Variants in RNF214 observed in about 807,000 individuals in gnomAD.
The protein encoded by RNF214 is ring finger protein 214.
Under a neutral mutation model 75.9 loss-of-function variants are expected in RNF214, and 25 were observed. The observed-to-expected ratio is 0.33, with a 90% confidence interval of 0.24 to 0.46. The LOEUF (loss-of-function observed/expected upper bound fraction) is 0.46, where lower values mean the gene tolerates loss of function less well. Ranked by LOEUF, RNF214 falls within the 20% of genes least tolerant of loss-of-function variation. The pLI, the probability that RNF214 is intolerant of heterozygous loss-of-function variation, is 1.00. For synonymous variants in RNF214, 314 were observed against 308.8 expected (o/e 1.02, Z -0.18); for missense variants, 725 against 857.5 (o/e 0.85, Z 1.93).
At chr11:117,282,643 A>G in intron 12 of RNF214, 103 bp from the exon 13 acceptor site, 1 of 1,546,618 alleles carries the variant, frequency 6.5e-7, no homozygotes, top group Non-Finnish European at 8.9e-7. Flanking sequence ...AGAGGTAGCT[A>G]GTCTGCTTTT....
chr11:117,266,387 T>A (rs2033797093), intron 6 of RNF214, among the ~76,000 whole-genome samples: 1 of 152,042 alleles, frequency 6.6e-6, no homozygotes, highest in Non-Finnish European at 1.5e-5. Flanking sequence ...TGAGACAGGG[T>A]CTCACTCTGT....
intron 6 of RNF214, among the ~76,000 whole-genome samples, chr11:117,272,120 G>A (rs1309721200): frequency 6.6e-6 from 1 of 152,116 alleles, no homozygotes; most frequent in Non-Finnish European, 1.5e-5. Flanking sequence ...TAGCTACTTG[G>A]GAGGCTGAGG....
At chr11:117,257,967 G>A (rs1198484133) in intron 6 of RNF214, among the ~76,000 whole-genome samples, 2 of 152,096 alleles carry the variant, frequency 1.3e-5, no homozygotes, top group Non-Finnish European at 2.9e-5. Flanking sequence ...GAAGCTGAAA[G>A]TATTGTACAT....
chr11:117,270,812 A>G (rs78859632), intron 6 of RNF214, among the ~76,000 whole-genome samples: 1 of 152,238 alleles, frequency 6.6e-6, no homozygotes, highest in East Asian at 1.9e-4. Context: ...TCTCAACTCA[A>G]ATGCCTGGAC....
chr11:117,245,915 A>G (rs1054638851), intron 5 of RNF214, among the ~76,000 whole-genome samples: 12 of 152,196 alleles, frequency 7.9e-5, no homozygotes, highest in African/African-American at 2.9e-4. Context: ...GATTACTCTT[A>G]TGGGTGGAAG....
chr11:117,281,803 GT>G, intron 10 of RNF214, 90 bp from the exon 11 acceptor site: 1 of 1,522,138 alleles, frequency 6.6e-7, no homozygotes, highest in Non-Finnish European at 9.0e-7. Flanking sequence ...TCCCTATTCA[GT>G]GCAAGAGTTG....
intron 6 of RNF214, among the ~76,000 whole-genome samples, chr11:117,261,818 G>A (rs2033669587): frequency 6.6e-6 from 1 of 151,266 alleles, no homozygotes; most frequent in African/African-American, 2.4e-5. Context: ...GCTAATTTTT[G>A]TATTTTTAGT....
intron 4 of RNF214, among the ~76,000 whole-genome samples, chr11:117,241,259 T>C (rs982077616): frequency 1.4e-4 from 22 of 151,738 alleles, no homozygotes; most frequent in Non-Finnish European, 2.7e-4. Context: ...AAGAATTGCT[T>C]GAACCCAGGA....
intron 6 of RNF214, among the ~76,000 whole-genome samples, chr11:117,273,009 G>T (rs1444253152): frequency 6.6e-6 from 1 of 152,012 alleles, no homozygotes; most frequent in Non-Finnish European, 1.5e-5. Context: ...ATAAACCTAT[G>T]TGTTAAATAG....
At chr11:117,254,369 T>C (rs867919935) in intron 6 of RNF214, among the ~76,000 whole-genome samples, 2 of 152,322 alleles carry the variant, frequency 1.3e-5, no homozygotes, top group Non-Finnish European at 2.9e-5. Flanking sequence ...CTTCTGACTT[T>C]GTCTTATTCC....
At chr11:117,265,025 G>A (rs1031148936) in intron 6 of RNF214, among the ~76,000 whole-genome samples, 6 of 149,908 alleles carry the variant, frequency 4.0e-5, no homozygotes, top group African/African-American at 9.8e-5. Flanking sequence ...CCTAGATCAC[G>A]CCACTGCACT....
At chr11:117,236,697 C>T (rs866457176) in intron 2 of RNF214, among the ~76,000 whole-genome samples, 31 of 152,284 alleles carry the variant, frequency 2.0e-4, no homozygotes, top group South Asian at 1.5e-3. Context: ...TAATATTATT[C>T]GCATTTACCG....
At chr11:117,245,802 T>TAAC (rs761093039) in intron 5 of RNF214, among the ~76,000 whole-genome samples, 17 of 152,056 alleles carry the variant, frequency 1.1e-4, no homozygotes, top group East Asian at 1.9e-4. Flanking sequence ...CATTTAAAAA[T>TAAC]AACAACAACA....
At chr11:117,255,065 A>G (rs1268777250) in intron 6 of RNF214, among the ~76,000 whole-genome samples, 2 of 152,152 alleles carry the variant, frequency 1.3e-5, no homozygotes, top group African/African-American at 4.8e-5. Context: ...ACAAGGTTTC[A>G]CCATGTTGGC....
intron 7 of RNF214, 67 bp from the exon 8 acceptor site, chr11:117,280,104 C>T: frequency 1.3e-6 from 2 of 1,498,674 alleles, no homozygotes; most frequent in Non-Finnish European, 1.8e-6. Context: ...CATTTGTTTT[C>T]ACTACCTAGA....
chr11:117,271,810 G>GT (rs2033915818), intron 6 of RNF214, among the ~76,000 whole-genome samples: 1 of 151,964 alleles, frequency 6.6e-6, no homozygotes, highest in South Asian at 2.1e-4. Context: ...AGTTTGAGGT[G>GT]TTTTTTTGTT....
At chr11:117,251,124 G>A (rs1265908797) in intron 6 of RNF214, among the ~76,000 whole-genome samples, 2 of 151,474 alleles carry the variant, frequency 1.3e-5, no homozygotes, top group Non-Finnish European at 2.9e-5. Context: ...TCAACGAGCT[G>A]TTGGGTACAC....
intron 4 of RNF214, among the ~76,000 whole-genome samples, chr11:117,240,561 G>T (rs909708576): frequency 1.3e-5 from 2 of 151,702 alleles, no homozygotes; most frequent in African/African-American, 4.8e-5. Flanking sequence ...GGTGGTGTGT[G>T]CCTGTAATCC....
intron 4 of RNF214, 130 bp from the exon 5 acceptor site, chr11:117,244,315 T>C (rs2033155258): frequency 3.0e-6 from 2 of 657,386 alleles, no homozygotes; most frequent in Admixed American, 3.5e-5. Flanking sequence ...TAGCCACATA[T>C]GGCTAGTAGA....
Sources: gnomAD v4.1 joint callset for allele counts (sites outside exome capture counted in the v4.1 genomes callset) on GRCh38, gnomAD v4.1.1 for gene constraint, MANE v1.5 for transcripts, NCBI Gene and HGNC (gene_info 2026-07-23, HGNC 2026-07-21) for gene names.